Variants in UBE2Q2 observed in about 807,000 individuals in gnomAD.
UBE2Q2 encodes ubiquitin conjugating enzyme E2 Q2.
Under a neutral mutation model 59.9 loss-of-function variants are expected in UBE2Q2, and 54 were observed. That is an observed-to-expected ratio of 0.90 (90% CI 0.72 to 1.13). The LOEUF (loss-of-function observed/expected upper bound fraction) is 1.13, where lower values mean the gene tolerates loss of function less well. Among genes scored for constraint, UBE2Q2 ranks in the 50% most tolerant of loss-of-function variants. The pLI is 0.00. For synonymous variants in UBE2Q2, 165 were observed against 155.2 expected (o/e 1.06, Z -0.47); for missense variants, 433 against 441.9 (o/e 0.98, Z 0.18).
At chr15:75,894,466 C>T (rs1003076350) in intron 11 of UBE2Q2, among the ~76,000 whole-genome samples, 18 of 152,050 alleles carry the variant, frequency 1.2e-4, no homozygotes, top group African/African-American at 3.4e-4. Flanking sequence ...CGCCTGTAGT[C>T]CCAACTACTC....
intron 1 of UBE2Q2, among the ~76,000 whole-genome samples, chr15:75,845,168 G>A (rs1896276235): frequency 1.3e-5 from 2 of 152,106 alleles, no homozygotes; most frequent in Admixed American, 1.3e-4. Context: ...TTTTGACTTG[G>A]GGGAGGTGCG....
At chr15:75,847,383 T>C (rs1303556778) in intron 1 of UBE2Q2, among the ~76,000 whole-genome samples, 1 of 152,160 alleles carries the variant, frequency 6.6e-6, no homozygotes, top group African/African-American at 2.4e-5. Context: ...GTGTAAGAAG[T>C]GAAAAAGACC....
chr15:75,883,199 T>A (rs1399171564), intron 8 of UBE2Q2, among the ~76,000 whole-genome samples, 167 bp from the exon 9 acceptor site: 5 of 152,200 alleles, frequency 3.3e-5, no homozygotes, highest in African/African-American at 1.2e-4. Flanking sequence ...AACTTCATTT[T>A]TATTTGCTTT....
rs541417341 is a variant in UBE2Q2 at position 75,844,305 on chromosome 15, G to T, written c.180+459G>T. The stretch of plus-strand genomic sequence containing the variant: ...TTTCAGTCGGATTTTCCTTCTTCCC[G>T]CTTGTTCAGCCAATTGTTTTTAAGT... On this transcript the variant is annotated intron_variant, in intron 1 of 12. Coordinates refer to ENST00000267938, the MANE Select transcript of UBE2Q2 (RefSeq NM_173469.4). 10 of 1,546,896 alleles carry T rather than the reference G, an allele frequency of 6.5e-6. No homozygotes were observed. In the Admixed American group the frequency reaches 2.0e-4, roughly 30 times the overall value.
At chr15:75,880,183 G>C (rs1435304941) in intron 8 of UBE2Q2, among the ~76,000 whole-genome samples, 1 of 151,006 alleles carries the variant, frequency 6.6e-6, no homozygotes, top group African/African-American at 2.4e-5. Flanking sequence ...CACAGTTTTG[G>C]CTCACTGCAA....
At chr15:75,870,124 G>C (rs1897707387) in intron 4 of UBE2Q2, among the ~76,000 whole-genome samples, 1 of 152,152 alleles carries the variant, frequency 6.6e-6, no homozygotes, top group Non-Finnish European at 1.5e-5. Flanking sequence ...CTGGAGTGCA[G>C]TAGTGTGATC....
At chr15:75,886,777 A>G (rs1423892227) in intron 9 of UBE2Q2, among the ~76,000 whole-genome samples, 1 of 151,892 alleles carries the variant, frequency 6.6e-6, no homozygotes, top group Non-Finnish European at 1.5e-5. Context: ...ATCCCAGCTC[A>G]TCGGGAAGCT....
chr15:75,897,276 T>C (rs1470620814), intron 12 of UBE2Q2, among the ~76,000 whole-genome samples: 3 of 152,112 alleles, frequency 2.0e-5, no homozygotes, highest in African/African-American at 7.2e-5. Context: ...TCTCGCTCTG[T>C]CACCCCAGCT....
intron 8 of UBE2Q2, among the ~76,000 whole-genome samples, chr15:75,883,033 G>GT (rs1898524115): frequency 6.6e-6 from 1 of 151,998 alleles, no homozygotes; most frequent in African/African-American, 2.4e-5. Context: ...AAATTATTAT[G>GT]TTTTGTTCAC....
At chr15:75,885,507 G>A (rs1898708945) in intron 9 of UBE2Q2, among the ~76,000 whole-genome samples, 1 of 152,172 alleles carries the variant, frequency 6.6e-6, no homozygotes, top group African/African-American at 2.4e-5. Context: ...ACTTCTTGGA[G>A]GCTTAATGCT....
intron 7 of UBE2Q2, chr15:75,878,281 CAA>C (rs1228916693): frequency 1.6e-5 from 7 of 438,134 alleles, no homozygotes; most frequent in Non-Finnish European, 2.8e-5. Flanking sequence ...AACTTAAAAA[CAA>C]AAGTGTATTT....
Position 75,879,087 on chromosome 15 carries a change from G to A in UBE2Q2, c.735-11G>A. On this transcript the variant is annotated splice_polypyrimidine_tract_variant and intron_variant, in intron 7 of 12. Transcript: ENST00000267938. ...TTTTATTTGAACTGTTTTTTGTTTT[G>A]TAATTCTTAGGGTTGACCCTGATAG... The A allele has an allele frequency of 1.3e-6, 2 of 1,520,384 alleles. No homozygotes were observed. The highest frequency in any genetic ancestry group is 1.8e-6 in the Non-Finnish European group (2 of 1,135,324). The allele number at this position is 1,520,384 out of a possible 1,614,324, so 94.2% of individuals were successfully genotyped here. A position where few individuals can be genotyped will look rare whatever the true frequency, so the allele number is the denominator to read the frequency against.
chr15:75,844,227 TG>T, intron 1 of UBE2Q2: 2 of 1,474,908 alleles, frequency 1.4e-6, no homozygotes, highest in Non-Finnish European at 1.8e-6. Flanking sequence ...CTCCGGCTGT[TG>T]TTTGAGCCCA....
chr15:75,880,078 A>G (rs1898317827), intron 8 of UBE2Q2, among the ~76,000 whole-genome samples: 1 of 152,010 alleles, frequency 6.6e-6, no homozygotes, highest in Non-Finnish European at 1.5e-5. Flanking sequence ...TACTTTTCTG[A>G]ATTTATGTGT....
intron 11 of UBE2Q2, among the ~76,000 whole-genome samples, chr15:75,895,875 A>G (rs1243733583): frequency 6.6e-6 from 1 of 152,210 alleles, no homozygotes; most frequent in East Asian, 1.9e-4. Flanking sequence ...GCTCTACTCT[A>G]GGACATTTTT....
In UBE2Q2 at chr15:75,899,436, C is replaced by A; in HGVS notation, c.1106C>A (p.Thr369Asn). The A allele has an allele frequency of 6.3e-7, 1 of 1,591,182 alleles. No individual in the cohort carries two copies. Among genetic ancestry groups the A allele is most frequent in the African/African-American group, 1.4e-5 (1 of 73,704 alleles). Reference protein sequence around the residue: ...VQIHEKNGWYTPPKEDG With the variant: ...VQIHEKNGWYNPPKEDG Reference sequence around the variant, plus strand: ...TTTCATTCTATTTCAGGCTGGTACACCCCTCCAAAGGAAGATGGCTAAATG... The same window carrying A: ...TTTCATTCTATTTCAGGCTGGTACAACCCTCCAAAGGAAGATGGCTAAATG... Residue 369 changes from threonine (T) to asparagine (N), a missense_variant, in exon 13 of 13, where the codon ACC becomes AAC. Physicochemically the swap from Thr to Asn is moderately conservative, Grantham distance 65. Transcript: ENST00000267938.
intron 9 of UBE2Q2, among the ~76,000 whole-genome samples, chr15:75,888,984 T>A (rs1423649083): frequency 1.3e-5 from 2 of 152,184 alleles, no homozygotes; most frequent in African/African-American, 2.4e-5. Flanking sequence ...TTCCAAAATT[T>A]GAAGATTGTG....
intron 3 of UBE2Q2, among the ~76,000 whole-genome samples, chr15:75,864,096 A>C (rs1165599429): frequency 6.6e-6 from 1 of 152,132 alleles, no homozygotes; most frequent in Non-Finnish European, 1.5e-5. Context: ...TCATCCTTGC[A>C]TTTCTATAGT....
intron 1 of UBE2Q2, among the ~76,000 whole-genome samples, chr15:75,849,361 A>T (rs986840504): frequency 6.6e-6 from 1 of 152,134 alleles, no homozygotes; most frequent in Non-Finnish European, 1.5e-5. Context: ...CATCAGTTTT[A>T]AAAAAATGAT....
Sources: allele counts gnomAD v4.1 joint callset (sites outside exome capture counted in the v4.1 genomes callset), GRCh38; gene constraint gnomAD v4.1.1; transcripts MANE v1.5; gene names NCBI Gene and HGNC (gene_info 2026-07-23, HGNC 2026-07-21).